NHS: variants seen among roughly 807,000 people sequenced by gnomAD.
NHS encodes the protein actin remodeling regulator NHS.
NHS carries 5 observed loss-of-function variants against 72.5 expected under a neutral mutation model. The observed-to-expected ratio is 0.07, with a 90% confidence interval of 0.04 to 0.14. NHS has a LOEUF of 0.14. Among genes scored for constraint, NHS ranks in the 10% least tolerant of loss-of-function variants. The pLI is 1.00. For synonymous variants in NHS, 464 were observed against 547.7 expected (o/e 0.85, Z 2.13); for missense variants, 1,072 against 1,355.7 (o/e 0.79, Z 3.29).
At chrX:17,664,632 G>C (rs1221148260) in intron 1 of NHS, among the ~76,000 whole-genome samples, 5 of 112,044 alleles carry the variant, frequency 4.5e-5, no homozygotes, top group African/African-American at 1.6e-4. Flanking sequence ...CTTGAAATCA[G>C]ATAGTAAAAA....
chrX:17,539,984 A>G (rs188892923), intron 1 of NHS, among the ~76,000 whole-genome samples: 1 of 112,506 alleles, frequency 8.9e-6, no homozygotes. Flanking sequence ...GGCTTCCACT[A>G]TCCTGCTTTG....
At chrX:17,713,356 G>C (rs1395458528) in intron 3 of NHS, among the ~76,000 whole-genome samples, 1 of 111,931 alleles carries the variant, frequency 8.9e-6, no homozygotes, top group African/African-American at 3.2e-5. Context: ...CACCTCACTA[G>C]AAACCCAGTG....
intron 1 of NHS, among the ~76,000 whole-genome samples, chrX:17,584,975 G>T (rs2065566724): frequency 1.8e-5 from 2 of 111,239 alleles, no homozygotes; most frequent in Admixed American, 1.9e-4. Context: ...AAACAGTAAT[G>T]CATACAATTT....
intron 1 of NHS, among the ~76,000 whole-genome samples, chrX:17,592,242 A>T (rs1601791186): frequency 2.7e-5 from 3 of 112,090 alleles, no homozygotes; most frequent in African/African-American, 9.7e-5. Context: ...AATTTAGGCT[A>T]CTTTCTTTGT....
At chrX:17,412,405 G>A (rs2064564532) in intron 1 of NHS, among the ~76,000 whole-genome samples, 1 of 109,846 alleles carries the variant, frequency 9.1e-6, no homozygotes, top group Non-Finnish European at 1.9e-5. Context: ...GACCAGCCTG[G>A]GCAACATGGC....
intron 1 of NHS, among the ~76,000 whole-genome samples, chrX:17,412,715 GAA>G (rs1254237949): frequency 8.9e-6 from 1 of 112,448 alleles, no homozygotes; most frequent in Non-Finnish European, 1.9e-5. Context: ...CCAATAATCT[GAA>G]AAAAAGTCTA....
At chrX:17,723,021 T>G (rs1021247156) in intron 5 of NHS, among the ~76,000 whole-genome samples, 16 of 112,015 alleles carry the variant, frequency 1.4e-4, no homozygotes, top group African/African-American at 4.9e-4. Flanking sequence ...TAACACAAAA[T>G]GTCTGCGTCT....
intron 3 of NHS, among the ~76,000 whole-genome samples, chrX:17,697,925 T>C (rs1239057699): frequency 5.1e-5 from 5 of 98,815 alleles, no homozygotes; most frequent in African/African-American, 1.9e-4. Context: ...AGAAGACTAC[T>C]AGCAAAAAAA....
At chrX:17,481,618 A>G (rs1489941033) in intron 1 of NHS, among the ~76,000 whole-genome samples, 1 of 111,230 alleles carries the variant, frequency 9.0e-6, no homozygotes, top group Non-Finnish European at 1.9e-5. Context: ...AAGAAAAAAC[A>G]TGGAACAAAA....
rs1033703458 is a variant in NHS, at chrX:17,565,783, T to A, written c.566-121959T>A. Among the ~76,000 whole-genome samples the A allele has an allele frequency of 8.0e-5, 9 of 112,395 alleles. No individual in the cohort carries two copies. In the East Asian group the frequency reaches 2.5e-3, roughly 31 times the overall value. ...CATATGTAGTAGACACCTCATATGT[T>A]CTGCCCATGAATATACGCCACATAC... On this transcript the variant is annotated intron_variant, in intron 1 of 8. Transcript: ENST00000676302.
At chrX:17,420,002 T>C (rs1275297337) in intron 1 of NHS, among the ~76,000 whole-genome samples, 1 of 111,782 alleles carries the variant, frequency 8.9e-6, no homozygotes, top group Non-Finnish European at 1.9e-5. Flanking sequence ...ATCTGGTGGT[T>C]GTAGATTTAT....
At chrX:17,409,576 G>A (rs1419941098) in intron 1 of NHS, among the ~76,000 whole-genome samples, 2 of 111,056 alleles carry the variant, frequency 1.8e-5, no homozygotes, top group African/African-American at 3.3e-5. Context: ...TCTCCCCTAC[G>A]CTACATGTCT....
chrX:17,554,136 C>T (rs764491976), intron 1 of NHS, among the ~76,000 whole-genome samples: 7 of 112,252 alleles, frequency 6.2e-5, no homozygotes, highest in African/African-American at 9.7e-5. Flanking sequence ...CTCTCTGCAG[C>T]GCAGCATGTC....
intron 1 of NHS, among the ~76,000 whole-genome samples, chrX:17,615,261 C>CACATATAT (rs1569294309): frequency 1.1e-5 from 1 of 89,859 alleles, no homozygotes; most frequent in African/African-American, 5.1e-5. Flanking sequence ...CATATATACA[C>CACATATAT]ATATATATAT....
At chrX:17,572,491 C>CTTTTTTTTTTTTTTTTTT (rs760577193) in intron 1 of NHS, among the ~76,000 whole-genome samples, 10 of 46,760 alleles carry the variant, frequency 2.1e-4, no homozygotes, top group African/African-American at 1.2e-3. Context: ...GCAACCCCTG[C>CTTTTTTTTTTTTTTTTTT]TTTTTTTTTT....
At chrX:17,431,280 T>C (rs1471404296) in intron 1 of NHS, among the ~76,000 whole-genome samples, 1 of 111,609 alleles carries the variant, frequency 9.0e-6, no homozygotes, top group Non-Finnish European at 1.9e-5. Flanking sequence ...TTTTTATTTT[T>C]AACCTCTCAT....
intron 1 of NHS, among the ~76,000 whole-genome samples, chrX:17,452,173 T>C (rs750019720): frequency 1.4e-4 from 16 of 111,674 alleles, no homozygotes; most frequent in Non-Finnish European, 2.8e-4. Flanking sequence ...CCTGCCTTGA[T>C]AGCAGTAGGT....
chrX:17,498,641 T>G (rs999626076), intron 1 of NHS, among the ~76,000 whole-genome samples: 23 of 111,687 alleles, frequency 2.1e-4, no homozygotes, highest in African/African-American at 7.5e-4. Context: ...ACCTTCCATT[T>G]AGCCACAGGT....
At chrX:17,625,208 A>C (rs146940927) in intron 1 of NHS, among the ~76,000 whole-genome samples, 1 of 112,002 alleles carries the variant, frequency 8.9e-6, no homozygotes, top group Non-Finnish European at 1.9e-5. Context: ...CTAGCAAGCA[A>C]TGTGGCTTAA....
Sources: gnomAD v4.1 joint callset for allele counts (sites outside exome capture counted in the v4.1 genomes callset) on GRCh38, gnomAD v4.1.1 for gene constraint, MANE v1.5 for transcripts, NCBI Gene and HGNC (gene_info 2026-07-23, HGNC 2026-07-21) for gene names.